The following ZSCAN25 variants were observed in gnomAD, a reference collection of about 807,000 sequenced individuals.
ZSCAN25 encodes the protein zinc finger and SCAN domain containing 25, also known as zinc finger and SCAN domain-containing protein 25.
Under a neutral mutation model 38.7 loss-of-function variants are expected in ZSCAN25, and 27 were observed. The ratio of observed to expected loss-of-function variants is 0.70; its 90% confidence interval spans 0.51 to 0.96. The LOEUF is 0.96. ZSCAN25 is among the 40% of genes least tolerant of loss of function. The pLI is 0.00. For missense variants in ZSCAN25, 637 were observed against 705.9 expected (o/e 0.90, Z 1.11); for synonymous variants, 273 against 277.7 (o/e 0.98, Z 0.17).
chr7:99,688,530 T>G, the ZSCAN25 span, among the ~76,000 whole-genome samples: 15 of 152,294 alleles, frequency 9.8e-5, no homozygotes, highest in South Asian at 2.7e-3. Context: ...AGCAAGTCCT[T>G]AGTGACCTAC....
chr7:99,672,786 C>G, the ZSCAN25 span: 1 of 1,561,216 alleles, frequency 6.4e-7, no homozygotes, highest in East Asian at 2.3e-5. Flanking sequence ...ATCCATACCC[C>G]TAGTTGTACG....
At chr7:99,726,409 C>T in the ZSCAN25 span, among the ~76,000 whole-genome samples, 18 of 152,314 alleles carry the variant, frequency 1.2e-4, no homozygotes, top group South Asian at 2.3e-3. Flanking sequence ...TCAGGATCTG[C>T]GCCTTATCAA....
In ZSCAN25 at chr7:99,619,589, C is replaced by A. The variant is rs1286469339; in HGVS notation, c.-18C>A. On this transcript the variant is annotated 5_prime_UTR_variant, in exon 4 of 8. Transcript: ENST00000394152. ...CATTGATGCAGTCATTCTCAGTCTCCTCGGAGGGAGTCTGAAGATGCTTAA... is the reference window on the plus strand; with the variant it reads ...CATTGATGCAGTCATTCTCAGTCTCATCGGAGGGAGTCTGAAGATGCTTAA... 2.5e-6 allele frequency: 4 copies of A among 1,602,112 alleles called. No homozygotes were observed. In the South Asian group the frequency reaches 3.4e-5, roughly 13 times the overall value.
chr7:99,717,228 A>G, the ZSCAN25 span: 1 of 1,613,826 alleles, frequency 6.2e-7, no homozygotes, highest in African/African-American at 1.3e-5. Flanking sequence ...CAGATTTCTC[A>G]CCAACACATC....
downstream of ZSCAN25, among the ~76,000 whole-genome samples, chr7:99,636,269 G>T (rs1175517098): frequency 6.6e-6 from 1 of 152,134 alleles, no homozygotes; most frequent in East Asian, 1.9e-4. Flanking sequence ...GTTCTTAGAT[G>T]TGTTTATTAG....
At chr7:99,722,428 C>T in the ZSCAN25 span, 65 of 1,546,886 alleles carry the variant, frequency 4.2e-5, no homozygotes, top group African/African-American at 8.3e-4. Context: ...TGAAAACAGT[C>T]AAATCCAATG....
chr7:99,720,337 A>G, the ZSCAN25 span: 1 of 1,613,478 alleles, frequency 6.2e-7, no homozygotes. Context: ...AGACAGAATA[A>G]CATTCTTTCA....
chr7:99,730,672 A>G, the ZSCAN25 span: 1 of 227,382 alleles, frequency 4.4e-6, no homozygotes, highest in African/African-American at 2.3e-5. Context: ...TTTTACTCTC[A>G]TGTCCACAGA....
the ZSCAN25 span, chr7:99,667,115 A>C: frequency 1.3e-6 from 2 of 1,526,002 alleles, no homozygotes; most frequent in Non-Finnish European, 1.8e-6. Context: ...GGTGATCTTC[A>C]TGGTTGCACA....
chr7:99,662,761 A>G, the ZSCAN25 span: 1 of 1,510,204 alleles, frequency 6.6e-7, no homozygotes, highest in Non-Finnish European at 9.2e-7. The surrounding 1 kb of genome is among the most constrained non-coding windows in gnomAD (Gnocchi z 4.3). Flanking sequence ...TTTCAGAACA[A>G]GGCCCTCCCT....
rs1038578029 is a variant in ZSCAN25 at position 99,631,754 on chromosome 7, C to G, written c.*1734C>G. On this transcript the variant is annotated 3_prime_UTR_variant, in exon 8 of 8. Coordinates refer to ENST00000394152, the MANE Select transcript of ZSCAN25 (RefSeq NM_145115.3). ...AGCATGGTGTCTAATTTTGGCTTAGCAAATGACGCTCCTTGGTCTTCCTGG... is the reference window on the plus strand; with the variant it reads ...AGCATGGTGTCTAATTTTGGCTTAGGAAATGACGCTCCTTGGTCTTCCTGG... The G allele has an allele frequency of 4.1e-6, 4 of 985,344 alleles. No individual in the cohort carries two copies. In the African/African-American group the frequency reaches 7.0e-5, roughly 17 times the overall value. 61.0% of individuals were successfully genotyped at this position (985,344 alleles called of 1,614,324 possible).
chr7:99,664,157 A>G, the ZSCAN25 span: 3 of 1,323,050 alleles, frequency 2.3e-6, no homozygotes, highest in Middle Eastern at 1.9e-4. Flanking sequence ...ACCTGGAGCA[A>G]TTATAATTTT....
At chr7:99,707,462 A>G in the ZSCAN25 span, among the ~76,000 whole-genome samples, 1 of 152,218 alleles carries the variant, frequency 6.6e-6, no homozygotes, top group African/African-American at 2.4e-5. Flanking sequence ...AAGGAAGAGC[A>G]TCATTCAAAA....
At chr7:99,690,955 A>G in the ZSCAN25 span, among the ~76,000 whole-genome samples, 2 of 152,238 alleles carry the variant, frequency 1.3e-5, no homozygotes, top group African/African-American at 4.8e-5. Flanking sequence ...ATATACCCAA[A>G]GGATTATAAA....
the ZSCAN25 span, chr7:99,647,699 A>G: frequency 2.0e-6 from 2 of 985,450 alleles, no homozygotes; most frequent in Non-Finnish European, 2.4e-6. Flanking sequence ...ACAGCAGATT[A>G]ACTCTCACCT....
downstream of ZSCAN25, among the ~76,000 whole-genome samples, chr7:99,635,153 G>GTTT (rs79324427): frequency 7.1e-6 from 1 of 140,594 alleles, no homozygotes; most frequent in African/African-American, 2.6e-5. Context: ...GTCCTGGTTG[G>GTTT]TTTTTTTTTT....
At chr7:99,684,293 G>T in the ZSCAN25 span, among the ~76,000 whole-genome samples, 1 of 151,156 alleles carries the variant, frequency 6.6e-6, no homozygotes, top group Non-Finnish European at 1.5e-5. Context: ...TCAGCCTCCT[G>T]GGTAGCTGAG....
At chr7:99,701,914 G>T in the ZSCAN25 span, among the ~76,000 whole-genome samples, 1 of 114,444 alleles carries the variant, frequency 8.7e-6, no homozygotes, top group African/African-American at 2.7e-5. Flanking sequence ...TTTGTTGATT[G>T]CTTTCTTTGC....
At chr7:99,636,796 G>A (rs1187357037), downstream of ZSCAN25, among the ~76,000 whole-genome samples, 1 of 152,194 alleles carries the variant, frequency 6.6e-6, no homozygotes, top group Non-Finnish European at 1.5e-5. Flanking sequence ...AGCTAACCAA[G>A]TAATCTTGTT....
Sources: gnomAD v4.1 joint callset for allele counts (sites outside exome capture counted in the v4.1 genomes callset) on GRCh38, gnomAD v4.1.1 for gene constraint, Gnocchi (gnomAD v3.1) non-coding constraint, MANE v1.5 for transcripts, NCBI Gene and HGNC (gene_info 2026-07-23, HGNC 2026-07-21) for gene names.